VPS37A: variants seen among roughly 807,000 people sequenced by gnomAD.
The protein encoded by VPS37A is vacuolar protein sorting-associated protein 37A.
VPS37A carries 30 observed loss-of-function variants against 49.8 expected under a neutral mutation model. That is an observed-to-expected ratio of 0.60 (90% CI 0.45 to 0.82). The LOEUF (loss-of-function observed/expected upper bound fraction) is 0.82, where lower values mean the gene tolerates loss of function less well. Ranked by LOEUF, VPS37A falls within the 40% of genes least tolerant of loss-of-function variation. The pLI is 0.00. For synonymous variants in VPS37A, 195 were observed against 160.6 expected, an observed-to-expected ratio of 1.21 and a Z score of -1.62; for missense variants, 593 against 464.4, an observed-to-expected ratio of 1.28 and a Z score of -2.55.
chr8:17,274,313 A>G (rs1011064586), intron 4 of VPS37A, among the ~76,000 whole-genome samples: 2 of 152,268 alleles, frequency 1.3e-5, no homozygotes, highest in African/African-American at 4.8e-5. Flanking sequence ...ACTTTCAGTC[A>G]GATTTTGACA....
At chr8:17,270,373 G>C (rs561287107) in intron 4 of VPS37A, among the ~76,000 whole-genome samples, 16 of 152,192 alleles carry the variant, frequency 1.1e-4, no homozygotes, top group African/African-American at 3.9e-4. Flanking sequence ...GCATTACCTG[G>C]TGTCGTCTGG....
At chr8:17,290,254 G>C (rs1448374008) in intron 11 of VPS37A, among the ~76,000 whole-genome samples, 1 of 151,344 alleles carries the variant, frequency 6.6e-6, no homozygotes, top group African/African-American at 2.4e-5. Context: ...GAGTTGTCTT[G>C]TGCCAGTTTT....
chr8:17,253,441 C>G (rs1226674428), intron 1 of VPS37A, among the ~76,000 whole-genome samples: 1 of 152,212 alleles, frequency 6.6e-6, no homozygotes. Flanking sequence ...GCCACCTTAA[C>G]TTGATTCCTG....
chr8:17,279,617 A>G lies in VPS37A; in HGVS notation c.714-411A>G, dbSNP rs533065095. 6 of 282,498 alleles carry G rather than the reference A, an allele frequency of 2.1e-5. No homozygotes were observed. The East Asian group carries it at 5.6e-4, about 27-fold the overall frequency. 17.5% of individuals were successfully genotyped at this position (282,498 alleles called of 1,614,324 possible). A position where few individuals can be genotyped will look rare whatever the true frequency, so the allele number is the denominator to read the frequency against. ...ATTAAGAACAAGAAAAAAATACTTAACTATATTACTGCTGTCCTATTTTAA... is the reference window on the plus strand; with the variant it reads ...ATTAAGAACAAGAAAAAAATACTTAGCTATATTACTGCTGTCCTATTTTAA... On this transcript the variant is annotated intron_variant, in intron 6 of 11. Coordinates refer to ENST00000324849, the MANE Select transcript of VPS37A (RefSeq NM_152415.3).
chr8:17,323,984 A>G, the VPS37A span, among the ~76,000 whole-genome samples: 1 of 152,224 alleles, frequency 6.6e-6, no homozygotes, highest in Non-Finnish European at 1.5e-5. Flanking sequence ...AACATCGCTG[A>G]GAGAAATATA....
At chr8:17,250,703 C>T (rs930992816) in intron 1 of VPS37A, among the ~76,000 whole-genome samples, 1 of 152,118 alleles carries the variant, frequency 6.6e-6, no homozygotes, top group African/African-American at 2.4e-5. Context: ...TTGTCCCTTT[C>T]TCTAATGATT....
the VPS37A span, among the ~76,000 whole-genome samples, chr8:17,319,254 G>C: frequency 3.9e-5 from 6 of 152,094 alleles, no homozygotes; most frequent in African/African-American, 1.4e-4. Context: ...ATATAAAATG[G>C]GGATAAAAAC....
downstream of VPS37A, among the ~76,000 whole-genome samples, chr8:17,303,091 G>C (rs1817234392): frequency 6.6e-6 from 1 of 152,132 alleles, no homozygotes; most frequent in African/African-American, 2.4e-5. Context: ...GTTACCCTTA[G>C]AACCACTATT....
rs1315744899 is a variant in VPS37A at position 17,296,108 on chromosome 8, C to T, written c.*1122C>T. On this transcript the variant is annotated 3_prime_UTR_variant, in exon 12 of 12. Transcript: ENST00000324849. ...TTAAATTTCATCCCAGTATGATTGT[C>T]TTCCCAACACCAGCATATAGTATAG... is the stretch of plus-strand genomic sequence containing the variant. 1.3e-5 allele frequency: 2 copies of T among 152,216 alleles called. No individual in the cohort carries two copies. Among genetic ancestry groups the T allele is most frequent in the South Asian group, 2.1e-4 (1 of 4,834 alleles). The allele number at this position is 152,216 out of a possible 1,614,324, so 9.4% of individuals were successfully genotyped here. A position where few individuals can be genotyped will look rare whatever the true frequency, so the allele number is the denominator to read the frequency against.
intron 11 of VPS37A, among the ~76,000 whole-genome samples, chr8:17,294,126 G>A (rs1009395211): frequency 2.6e-5 from 4 of 152,230 alleles, no homozygotes; most frequent in Admixed American, 1.3e-4. Flanking sequence ...TGGGGCCTCT[G>A]CCTTTCTTTC....
At chr8:17,325,818 T>C in the VPS37A span, among the ~76,000 whole-genome samples, 2 of 152,202 alleles carry the variant, frequency 1.3e-5, no homozygotes, top group African/African-American at 4.8e-5. Context: ...ATTCAGCAAA[T>C]GTACCCATAG....
At chr8:17,281,421 T>C (rs552867104) in intron 9 of VPS37A, among the ~76,000 whole-genome samples, 3 of 152,154 alleles carry the variant, frequency 2.0e-5, no homozygotes, top group African/African-American at 7.2e-5. Context: ...ATACTGGACC[T>C]TAGTAAATGT....
chr8:17,306,989 C>A (rs1817495883), downstream of VPS37A, among the ~76,000 whole-genome samples: 1 of 152,194 alleles, frequency 6.6e-6, no homozygotes. Flanking sequence ...GCAAGGACTT[C>A]ATGTCTAAAA....
intron 6 of VPS37A, among the ~76,000 whole-genome samples, chr8:17,279,326 A>C (rs1814811597): frequency 6.6e-6 from 1 of 152,116 alleles, no homozygotes; most frequent in South Asian, 2.1e-4. Flanking sequence ...TAGAGGAAAA[A>C]GCCAAAATGT....
rs1311522150 is a variant in VPS37A, at chr8:17,247,282, C to T, written c.38C>T (p.Ser13Phe). The change falls in exon 1 of 12, where the codon TCC becomes TTC. Residue 13 changes from serine (S) to phenylalanine (F), a missense_variant. Ser to Phe is a radical substitution (Grantham distance 155). Transcript: ENST00000324849. ...WLFPLTKSAS[S>F]SAAGSPGGLT... ...TTTCCCCTGACCAAGAGCGCCTCCT[C>T]CTCCGCGGCTGGGTCCCCCGGTGGC... 4 of 1,567,158 alleles carry T rather than the reference C, an allele frequency of 2.6e-6. No homozygotes were observed. Among genetic ancestry groups the T allele is most frequent in the Admixed American group, 3.7e-5 (2 of 53,760 alleles).
At chr8:17,253,729 T>G (rs1366665581) in intron 1 of VPS37A, among the ~76,000 whole-genome samples, 9 of 152,198 alleles carry the variant, frequency 5.9e-5, no homozygotes, top group Non-Finnish European at 1.3e-4. Flanking sequence ...TCATAGCTCT[T>G]TGTACATCTC....
intron 9 of VPS37A, among the ~76,000 whole-genome samples, chr8:17,281,562 G>C (rs925579151): frequency 2.0e-5 from 3 of 151,862 alleles, no homozygotes; most frequent in Non-Finnish European, 4.4e-5. Flanking sequence ...ACATTTCTAG[G>C]ATCCCATTAA....
At chr8:17,291,158 A>G (rs1293930051) in intron 11 of VPS37A, among the ~76,000 whole-genome samples, 1 of 152,080 alleles carries the variant, frequency 6.6e-6, no homozygotes, top group African/African-American at 2.4e-5. Flanking sequence ...GATTATAGGC[A>G]TGTGCCATCA....
chr8:17,264,356 A>G (rs942549571), intron 1 of VPS37A, among the ~76,000 whole-genome samples: 4 of 152,198 alleles, frequency 2.6e-5, no homozygotes, highest in Non-Finnish European at 2.9e-5. Flanking sequence ...AATTTAGGCC[A>G]TTCTGTTGAT....
Sources: allele counts gnomAD v4.1 joint callset (sites outside exome capture counted in the v4.1 genomes callset), GRCh38; gene constraint gnomAD v4.1.1; transcripts MANE v1.5; gene names NCBI Gene and HGNC (gene_info 2026-07-23, HGNC 2026-07-21).